The following KATNA1 variants were observed in gnomAD, a reference collection of about 807,000 sequenced individuals.
The protein encoded by KATNA1 is katanin p60 ATPase-containing subunit A1.
A neutral mutation model predicts 62.6 loss-of-function variants in KATNA1; 42 were observed. The ratio of observed to expected loss-of-function variants is 0.67; its 90% CI spans 0.52 to 0.87. The LOEUF (loss-of-function observed/expected upper bound fraction) is 0.87, where lower values mean the gene tolerates loss of function less well. Ranked by LOEUF, KATNA1 falls within the 40% of genes least tolerant of loss-of-function variation. The pLI, the probability that KATNA1 is intolerant of heterozygous loss-of-function variation, is 0.00. For missense variants in KATNA1, 498 were observed against 612.5 expected (o/e 0.81, Z 1.97); for synonymous variants, 186 against 201.9 (o/e 0.92, Z 0.67).
At chr6:149,625,282 G>C (rs576043995) in intron 3 of KATNA1, among the ~76,000 whole-genome samples, 1 of 152,280 alleles carries the variant, frequency 6.6e-6, no homozygotes, top group Admixed American at 6.5e-5. Flanking sequence ...TGAGACATGA[G>C]ATGAGGGCCT....
At position 149,597,614 on chromosome 6, in the gene KATNA1, T is replaced by A; in HGVS notation, c.1043A>T (p.Asp348Val). The change falls in exon 9 of 11, where the codon GAC becomes GTC. Residue 348 changes from aspartate (D) to valine (V), a missense_variant. Coordinates refer to ENST00000367411, the MANE Select transcript of KATNA1 (RefSeq NM_007044.4). ...CAGAACCATAACCATTTTGGAAGGG[T>A]CATCATTTTCAGAAGTACCTCCAAC... ...DGVGGTSEND[D>V]PSKMVMVLAA... 3 of 1,613,862 alleles carry A rather than the reference T, an allele frequency of 1.9e-6. No individual in the cohort carries two copies. Among genetic ancestry groups the A allele is most frequent in the Non-Finnish European group, 2.5e-6 (3 of 1,179,826 alleles).
At chr6:149,615,394 G>A (rs1378251594) in intron 4 of KATNA1, among the ~76,000 whole-genome samples, 10 of 151,722 alleles carry the variant, frequency 6.6e-5, no homozygotes, top group Non-Finnish European at 5.9e-5. Context: ...TAGTAGAAAC[G>A]GGCTTTCACC....
rs180753611 is a variant in KATNA1, at chr6:149,630,180, G to C, written c.320+2579C>G. Reference sequence around the variant, plus strand: ...GAATTTTTCTATTTTTCTTTAATGAGCTACTGTGCTTTAGTGAACTATTAT... The same window carrying C: ...GAATTTTTCTATTTTTCTTTAATGACCTACTGTGCTTTAGTGAACTATTAT... On this transcript the variant is annotated intron_variant, in intron 3 of 10. Coordinates refer to ENST00000367411, the MANE Select transcript of KATNA1 (RefSeq NM_007044.4). Among the ~76,000 whole-genome samples the C allele has an allele frequency of 5.3e-5, 8 of 152,278 alleles. No individual in the cohort carries two copies. The East Asian group carries it at 1.3e-3, about 26-fold the overall frequency.
chr6:149,637,255 T>C (rs963754965), intron 2 of KATNA1, among the ~76,000 whole-genome samples: 2 of 151,428 alleles, frequency 1.3e-5, no homozygotes, highest in South Asian at 4.2e-4. Flanking sequence ...CTACCAAAAA[T>C]TGAAAAATTA....
At chr6:149,637,719 C>T (rs111928946) in intron 2 of KATNA1, among the ~76,000 whole-genome samples, 4 of 151,816 alleles carry the variant, frequency 2.6e-5, no homozygotes, top group African/African-American at 7.3e-5. Context: ...CCCAGCTACT[C>T]GGGAGGCTTG....
chr6:149,616,590 T>C (rs889043151), intron 4 of KATNA1, among the ~76,000 whole-genome samples: 2 of 152,088 alleles, frequency 1.3e-5, no homozygotes. Flanking sequence ...TGAAACCCCA[T>C]CTCTACTAAA....
At chr6:149,626,709 C>T (rs1414588493) in intron 3 of KATNA1, among the ~76,000 whole-genome samples, 3 of 151,526 alleles carry the variant, frequency 2.0e-5, no homozygotes, top group East Asian at 2.0e-4. Context: ...TCTGGCTGGA[C>T]GCAGTGGCTC....
intron 3 of KATNA1, 125 bp from the exon 4 acceptor site, chr6:149,623,408 G>T: frequency 1.6e-6 from 1 of 611,740 alleles, no homozygotes; most frequent in Non-Finnish European, 2.6e-6. Context: ...AGACACGACT[G>T]AATAAACTTC....
intron 4 of KATNA1, among the ~76,000 whole-genome samples, chr6:149,621,300 A>G (rs1021504089): frequency 6.7e-6 from 1 of 148,280 alleles, no homozygotes; most frequent in East Asian, 2.0e-4. Context: ...ATTTTTTTGT[A>G]TTTTTAGTAG....
Position 149,597,546 on chromosome 6 carries a change from G to T in KATNA1, c.1111C>A (p.Arg371=), listed in dbSNP as rs1358813969. The T allele has an allele frequency of 1.9e-6, 3 of 1,613,990 alleles. No homozygotes were observed. Among genetic ancestry groups the T allele is most frequent in the South Asian group, 1.1e-5 (1 of 91,080 alleles). ...FPWDIDEALR[R]RLEKRIYIPL... The stretch of plus-strand genomic sequence containing the variant: ...ATATAGATTCGTTTCTCAAGGCGTC[G>T]TCTTAAAGCCTCATCTATATCCCAG... Residue 371 remains arginine (R), a synonymous_variant, in exon 9 of 11, where the codon CGA becomes AGA. Coordinates refer to ENST00000367411, the MANE Select transcript of KATNA1 (RefSeq NM_007044.4).
chr6:149,615,482 G>A (rs1297778696), intron 4 of KATNA1, among the ~76,000 whole-genome samples: 1 of 151,932 alleles, frequency 6.6e-6, no homozygotes, highest in Non-Finnish European at 1.5e-5. Context: ...TAGGATTACA[G>A]GCATGAGCAC....
intron 6 of KATNA1, 130 bp downstream of exon 6, chr6:149,603,138 A>G (rs1778611583): frequency 1.8e-6 from 1 of 541,784 alleles, no homozygotes; most frequent in Non-Finnish European, 3.3e-6. Flanking sequence ...AGCACAACAT[A>G]TACCTTTTAA....
rs183583160 is a variant in KATNA1, at chr6:149,607,990, T to G, written c.502-3208A>C. Among the ~76,000 whole-genome samples, 545 of 152,190 alleles carry G rather than the reference T, an allele frequency of 3.6e-3. 3 individuals are homozygous for G. Among genetic ancestry groups the G allele is most frequent in the African/African-American group, 0.013 (521 of 41,534 alleles). The stretch of plus-strand genomic sequence containing the variant: ...CTGAGGCAGGAGAATCGCTTGAACC[T>G]GGGAGGCAGAAGCTGCAGTAAGCCA... On this transcript the variant is annotated intron_variant, in intron 4 of 10. Transcript: ENST00000367411.
intron 6 of KATNA1, among the ~76,000 whole-genome samples, chr6:149,602,349 C>G (rs564353725): frequency 6.6e-6 from 1 of 152,120 alleles, no homozygotes; most frequent in South Asian, 2.1e-4. Context: ...GGCGACAGAG[C>G]GAGACTCCAT....
intron 7 of KATNA1, among the ~76,000 whole-genome samples, chr6:149,600,648 T>C (rs1778502813): frequency 6.6e-6 from 1 of 151,398 alleles, no homozygotes; most frequent in Non-Finnish European, 1.5e-5. Flanking sequence ...ATAGAATTCA[T>C]GTCTTGACCA....
chr6:149,645,171 G>C (rs957778257), intron 1 of KATNA1, among the ~76,000 whole-genome samples: 1 of 152,152 alleles, frequency 6.6e-6, no homozygotes, highest in Non-Finnish European at 1.5e-5. Flanking sequence ...AGCTGGCCGC[G>C]CGCAGTGGCT....
At chr6:149,635,629 A>C (rs2114617364) in intron 2 of KATNA1, among the ~76,000 whole-genome samples, 1 of 152,020 alleles carries the variant, frequency 6.6e-6, no homozygotes, top group African/African-American at 2.4e-5. Flanking sequence ...GAATCACTTG[A>C]CCCCAGGAGG....
At chr6:149,610,233 C>T (rs1339156952) in intron 4 of KATNA1, among the ~76,000 whole-genome samples, 2 of 148,394 alleles carry the variant, frequency 1.3e-5, no homozygotes. Context: ...CGAAGGAGTT[C>T]AAGGTTGCAT....
At chr6:149,639,141 A>G (rs1398483005) in intron 1 of KATNA1, among the ~76,000 whole-genome samples, 1 of 152,088 alleles carries the variant, frequency 6.6e-6, no homozygotes, top group African/African-American at 2.4e-5. Context: ...CTCTACTAAA[A>G]TGTAAAAACT....
Sources: gnomAD v4.1 joint callset for allele counts (sites outside exome capture counted in the v4.1 genomes callset) on GRCh38, gnomAD v4.1.1 for gene constraint, MANE v1.5 for transcripts, NCBI Gene and HGNC (gene_info 2026-07-23, HGNC 2026-07-21) for gene names.